Variants in FRY observed in about 807,000 individuals in gnomAD.
FRY encodes the protein protein furry homolog.
A neutral mutation model predicts 348.4 loss-of-function variants in FRY; 128 were observed. That is an observed-to-expected ratio of 0.37 (90% confidence interval 0.32 to 0.43). FRY has a LOEUF of 0.43. Among genes scored for constraint, FRY ranks in the 20% least tolerant of loss-of-function variants. The pLI is 1.00. For synonymous variants in FRY, 1,370 were observed against 1,374.7 expected (o/e 1.00, Z 0.08); for missense variants, 2,736 against 3,695.2 (o/e 0.74, Z 6.73).
At chr13:32,235,130 G>A (rs1886153744) in intron 42 of FRY, among the ~76,000 whole-genome samples, 1 of 152,130 alleles carries the variant, frequency 6.6e-6, no homozygotes, top group Admixed American at 6.5e-5. Flanking sequence ...CCCAGAGCAG[G>A]GACCTCCACT....
At chr13:32,145,629 C>T (rs2138821304) in intron 11 of FRY, among the ~76,000 whole-genome samples, 1 of 149,544 alleles carries the variant, frequency 6.7e-6, no homozygotes, top group East Asian at 2.0e-4. Flanking sequence ...ACTGCAAGCT[C>T]CGCTTCCCGG....
chr13:32,044,097 TATTGA>T (rs781686984), intron 1 of FRY, among the ~76,000 whole-genome samples: 45 of 152,260 alleles, frequency 3.0e-4, no homozygotes, highest in Non-Finnish European at 4.8e-4. Context: ...TATGTAGGTC[TATTGA>T]ATTATGCTGT....
chr13:32,075,584 C>T (rs899664083), intron 1 of FRY, among the ~76,000 whole-genome samples: 4 of 152,202 alleles, frequency 2.6e-5, no homozygotes, highest in African/African-American at 9.6e-5. Flanking sequence ...AATATTTACA[C>T]TAGTGTGGAC....
chr13:32,124,367 T>C lies in FRY; in HGVS notation c.546T>C (p.Val182=). 1 of 1,503,216 alleles carries C rather than the reference T, an allele frequency of 6.7e-7. No individual in the cohort carries two copies. Among genetic ancestry groups the C allele is most frequent in the Non-Finnish European group, 9.3e-7 (1 of 1,079,904 alleles). 93.1% of individuals were successfully genotyped at this position (1,503,216 alleles called of 1,614,324 possible). A position where few individuals can be genotyped will look rare whatever the true frequency, so the allele number is the denominator to read the frequency against. The part of the protein sequence containing the change: ...DFIFSLVLIE[V]LKQIPLHPVI... Reference sequence around the variant, plus strand: ...TTTTTTCTTTAGTATTAATAGAAGTTTTGAAACAGGTAGGTGATTAATTTA... The same window carrying C: ...TTTTTTCTTTAGTATTAATAGAAGTCTTGAAACAGGTAGGTGATTAATTTA... The change falls in exon 5 of 61, where the codon GTT becomes GTC. Residue 182 remains valine, a synonymous_variant. Coordinates refer to ENST00000542859, the MANE Select transcript of FRY (RefSeq NM_023037.3).
chr13:32,122,221 A>T (rs1878703639), intron 4 of FRY, among the ~76,000 whole-genome samples: 1 of 152,154 alleles, frequency 6.6e-6, no homozygotes, highest in South Asian at 2.1e-4. Context: ...AGGTGGGTGG[A>T]TCACAAGGTC....
In FRY at chr13:32,211,031, T is replaced by C; in HGVS notation, c.4588T>C (p.Ser1530Pro). 1.2e-6 allele frequency: 2 copies of C among 1,613,992 alleles called. No homozygotes were observed. The highest frequency in any genetic ancestry group is 1.7e-6 in the Non-Finnish European group (2 of 1,179,850). The stretch of plus-strand genomic sequence containing the variant: ...CAGTAGCAAGGCTTCCGCAGCAGCC[T>C]CAGGTAAGAAGAGCAACCGGGCAGA... ...TASSKASAAA[S>P]GTTSSSNTVV... is the part of the protein sequence containing the mutation. The change falls in exon 34 of 61, where the codon TCA (serine) becomes CCA (proline). Residue 1530 changes from serine (S) to proline (P), a missense_variant. Ser to Pro is a moderately conservative substitution (Grantham distance 74). Around this residue, in one of 9 missense-constraint regions of FRY, gnomAD observed 794 missense variants for 977.0 expected, o/e 0.81. Coordinates refer to ENST00000542859, the MANE Select transcript of FRY (RefSeq NM_023037.3).
rs756919040 is a variant in FRY at position 32,068,791 on chromosome 13, A to G, written c.71-10043A>G. Among the ~76,000 whole-genome samples the G allele has an allele frequency of 4.6e-4, 70 of 152,212 alleles. 2 individuals carry two copies. Among genetic ancestry groups the G allele is most frequent in the Non-Finnish European group, 4.3e-4 (29 of 68,032 alleles). On this transcript the variant is annotated intron_variant, in intron 1 of 60. Transcript: ENST00000542859. ...AGTAGACTTGCTCTTTGTTAGGATA[A>G]CAGGCAGTTAAAATTTATATCATCA... is the stretch of plus-strand genomic sequence containing the variant.
intron 40 of FRY, among the ~76,000 whole-genome samples, 161 bp from the exon 41 acceptor site, chr13:32,231,018 T>C (rs1392351846): frequency 1.3e-5 from 2 of 152,206 alleles, no homozygotes; most frequent in Non-Finnish European, 2.9e-5. Flanking sequence ...TTCTTGTAAA[T>C]TTGTTTAAGT....
At chr13:32,141,172 T>G (rs1267548048) in intron 11 of FRY, among the ~76,000 whole-genome samples, 1 of 152,194 alleles carries the variant, frequency 6.6e-6, no homozygotes, top group Non-Finnish European at 1.5e-5. Context: ...CACGTTATTT[T>G]CCATGAATGC....
At chr13:32,122,798 C>T (rs769311425) in intron 4 of FRY, among the ~76,000 whole-genome samples, 1 of 152,176 alleles carries the variant, frequency 6.6e-6, no homozygotes, top group Non-Finnish European at 1.5e-5. Flanking sequence ...CTAAGGACTC[C>T]TCCAGAAAGC....
At chr13:32,084,581 G>C (rs1020086744) in intron 2 of FRY, among the ~76,000 whole-genome samples, 1 of 152,068 alleles carries the variant, frequency 6.6e-6, no homozygotes, top group Non-Finnish European at 1.5e-5. Context: ...CAACTTATAC[G>C]TATCTGCAAT....
chr13:32,144,450 T>C (rs746009745), intron 11 of FRY, among the ~76,000 whole-genome samples: 41 of 151,334 alleles, frequency 2.7e-4, no homozygotes, highest in Admixed American at 2.7e-3. Context: ...AGTACTTGAA[T>C]AGACAGACTA....
chr13:32,282,906 C>A (rs1355804003), intron 58 of FRY, among the ~76,000 whole-genome samples: 1 of 151,964 alleles, frequency 6.6e-6, no homozygotes, highest in Non-Finnish European at 1.5e-5. Flanking sequence ...ACTTTGGGAG[C>A]GTGAGGCAGG....
At chr13:32,157,480 C>A in intron 16 of FRY, 75 bp downstream of exon 16, 1 of 1,413,416 alleles carries the variant, frequency 7.1e-7, no homozygotes, top group Non-Finnish European at 1.0e-6. Flanking sequence ...CTCATTTATT[C>A]TGTATTTTGT....
chr13:32,047,430 A>T (rs1042325393), intron 1 of FRY, among the ~76,000 whole-genome samples: 5 of 152,258 alleles, frequency 3.3e-5, no homozygotes, highest in African/African-American at 1.2e-4. Flanking sequence ...AAAATTAACC[A>T]TCTAAAGATA....
Position 32,124,893 on chromosome 13 carries a change from C to T in FRY, c.716+18C>T, listed in dbSNP as rs749555136. On this transcript the variant is annotated intron_variant, in intron 7 of 60. Transcript: ENST00000542859. ...CAAGCCAAGTAAGTGAATGCCAGAACCCTTTACCATGAGAACGTGCGTGCT... is the reference window on the plus strand; with the variant it reads ...CAAGCCAAGTAAGTGAATGCCAGAATCCTTTACCATGAGAACGTGCGTGCT... The T allele has an allele frequency of 6.4e-7, 1 of 1,557,376 alleles. No homozygotes were observed. The highest frequency in any genetic ancestry group is 8.9e-7 in the Non-Finnish European group (1 of 1,128,152).
chr13:32,267,462 T>A, intron 55 of FRY, 103 bp downstream of exon 55: 1 of 980,194 alleles, frequency 1.0e-6, no homozygotes, highest in Non-Finnish European at 1.6e-6. Context: ...GTTATACTAC[T>A]GTATTTTCTC....
intron 1 of FRY, among the ~76,000 whole-genome samples, chr13:32,068,947 G>A (rs1028363840): frequency 1.3e-4 from 15 of 118,622 alleles, no homozygotes; most frequent in Admixed American, 1.2e-3. Flanking sequence ...ACTGAGTCTC[G>A]CTCTGTCGCC....
At chr13:32,205,202 C>CAAAAAA (rs35930899) in intron 31 of FRY, among the ~76,000 whole-genome samples, 1 of 77,814 alleles carries the variant, frequency 1.3e-5, no homozygotes, top group Non-Finnish European at 2.4e-5. Flanking sequence ...GACTCTGTCT[C>CAAAAAA]AAAAAAAAAA....
Sources: gnomAD v4.1 joint callset for allele counts (sites outside exome capture counted in the v4.1 genomes callset) on GRCh38, gnomAD v4.1.1 for gene constraint, gnomAD v4.1.1 regional missense constraint, MANE v1.5 for transcripts, NCBI Gene and HGNC (gene_info 2026-07-23, HGNC 2026-07-21) for gene names.